Variants in RGS3 observed in about 807,000 individuals in gnomAD.
RGS3 encodes the protein regulator of G-protein signalling 3.
Under a neutral mutation model 132.6 loss-of-function variants are expected in RGS3, and 80 were observed. The observed-to-expected ratio is 0.60, with a 90% CI of 0.50 to 0.73. The LOEUF is 0.73. RGS3 is among the 30% of genes least tolerant of loss of function. The pLI, the probability that RGS3 is intolerant of heterozygous loss-of-function variation, is 0.00. For missense variants in RGS3, 1,382 were observed against 1,530.8 expected, an observed-to-expected ratio of 0.90 and a Z score of 1.62; for synonymous variants, 598 against 620.6, an observed-to-expected ratio of 0.96 and a Z score of 0.54.
chr9:113,584,383 G>A, exon 20 of RGS3: 1 of 1,545,010 alleles, frequency 6.5e-7, no homozygotes, highest in South Asian at 1.2e-5. Flanking sequence ...CCGCAATGGT[G>A]GCTCCATGCA....
intron 16 of RGS3, among the ~76,000 whole-genome samples, chr9:113,520,805 A>T (rs1429185617): frequency 6.6e-6 from 1 of 151,402 alleles, no homozygotes; most frequent in African/African-American, 2.4e-5. Context: ...TCTTCACCTC[A>T]TCTCTTAACA....
At chr9:113,495,461 C>T (rs544399456) in intron 7 of RGS3, among the ~76,000 whole-genome samples, 96 of 152,246 alleles carry the variant, frequency 6.3e-4, no homozygotes, top group Middle Eastern at 6.8e-3. Flanking sequence ...CTGTGGGGAC[C>T]AGCTCTTCAG....
chr9:113,587,638 A>G (rs1174191335), intron 20 of RGS3, among the ~76,000 whole-genome samples: 1 of 152,200 alleles, frequency 6.6e-6, no homozygotes, highest in Non-Finnish European at 1.5e-5. Flanking sequence ...CCACAGGGTG[A>G]CATTCAGTCT....
chr9:113,456,101 A>C (rs1829356819), upstream of RGS3, among the ~76,000 whole-genome samples: 1 of 152,134 alleles, frequency 6.6e-6, no homozygotes, highest in Non-Finnish European at 1.5e-5. Context: ...TTTCCTTCTT[A>C]ATACATCCCC....
intron 4 of RGS3, among the ~76,000 whole-genome samples, chr9:113,479,925 C>A (rs1379028960): frequency 6.6e-6 from 1 of 152,152 alleles, no homozygotes; most frequent in Non-Finnish European, 1.5e-5. Flanking sequence ...CATTGGTTGA[C>A]AGGCAGCATA....
intron 3 of RGS3, among the ~76,000 whole-genome samples, chr9:113,470,997 C>G (rs1829812222): frequency 6.6e-6 from 1 of 151,992 alleles, no homozygotes. Context: ...ACAGTATAGG[C>G]AGAGAGTTGT....
At position 113,590,557 on chromosome 9, in the gene RGS3, TATCC is replaced by T. The variant is rs746005388; in HGVS notation, c.3016-733_3016-730del. 7.2e-3 allele frequency among the ~76,000 whole-genome samples: 1,073 copies of T among 148,588 alleles called. 3 individuals are homozygous for T. The highest frequency in any genetic ancestry group is 0.015 in the South Asian group (69 of 4,550). On this transcript the variant is annotated intron_variant, in intron 20 of 24. Coordinates refer to ENST00000350696, the Ensembl canonical transcript of RGS3. Reference sequence around the variant, plus strand: ...TCATCTATCCATCCACCTATCCACATATCCATCCATCCATCCATCCATCCATCCA... The same window carrying T: ...TCATCTATCCATCCACCTATCCACATATCCATCCATCCATCCATCCATCCA...
chr9:113,541,274 G>A, intron 19 of RGS3: 1 of 1,594,928 alleles, frequency 6.3e-7, no homozygotes, highest in Non-Finnish European at 8.6e-7. Context: ...AGGCAGCCCG[G>A]CCTGAGTAGA....
chr9:113,486,067 A>C (rs1371861926), intron 7 of RGS3, among the ~76,000 whole-genome samples: 1 of 152,198 alleles, frequency 6.6e-6, no homozygotes, highest in Non-Finnish European at 1.5e-5. Flanking sequence ...GACTCTAAGC[A>C]CCTTGAAAAA....
chr9:113,488,540 C>T (rs1182776004), intron 7 of RGS3, among the ~76,000 whole-genome samples: 8 of 152,172 alleles, frequency 5.3e-5, no homozygotes, highest in Non-Finnish European at 1.2e-4. Context: ...ATATGGACGC[C>T]CAGAAAGCCC....
chr9:113,565,365 GTGTT>G lies in RGS3; in HGVS notation c.2038-18082_2038-18079del, dbSNP rs1388328355. 1 of 1,290,142 alleles carries G rather than the reference GTGTT, an allele frequency of 7.8e-7. No individual in the cohort carries two copies. 79.9% of individuals were successfully genotyped at this position (1,290,142 alleles called of 1,614,324 possible). A position where few individuals can be genotyped will look rare whatever the true frequency, so the allele number is the denominator to read the frequency against. ...GGCGGTGGCCGGCTAGACAGGGTGT[GTGTT>G]TGGGAAAGGCGCTGGAGGAGGAGGA... On this transcript the variant is annotated intron_variant, in intron 19 of 24. Coordinates refer to ENST00000350696, the Ensembl canonical transcript of RGS3. The surrounding 1 kb of genome is among the most constrained non-coding windows in gnomAD (Gnocchi z 5.7).
chr9:113,512,914 A>AGGCTG (rs537929450), intron 14 of RGS3, among the ~76,000 whole-genome samples: 106 of 152,338 alleles, frequency 7.0e-4, no homozygotes, highest in African/African-American at 2.4e-3. Flanking sequence ...ACCTGTGCAC[A>AGGCTG]GGCTGGGCAT....
At chr9:113,451,110 G>A (rs1201354012) in intron 1 of RGS3, among the ~76,000 whole-genome samples, 5 of 150,132 alleles carry the variant, frequency 3.3e-5, no homozygotes, top group Non-Finnish European at 5.9e-5. Context: ...CCTGGGAGGC[G>A]GAGCTTGCAG....
intron 19 of RGS3, among the ~76,000 whole-genome samples, chr9:113,568,796 A>G (rs974914699): frequency 4.6e-5 from 7 of 152,252 alleles, no homozygotes; most frequent in African/African-American, 1.7e-4. Flanking sequence ...AGCCACTCAC[A>G]GCAGACCAGC....
At chr9:113,494,199 A>T (rs1830612096) in intron 7 of RGS3, among the ~76,000 whole-genome samples, 2 of 152,174 alleles carry the variant, frequency 1.3e-5, no homozygotes, top group African/African-American at 4.8e-5. Context: ...CCTTAAAAGT[A>T]TATTGATACT....
intron 18 of RGS3, among the ~76,000 whole-genome samples, chr9:113,534,610 ATT>A (rs58115176): frequency 0.12 from 15,141 of 128,802 alleles, 815 homozygotes; most frequent in African/African-American, 0.17. Context: ...GTACAGATGA[ATT>A]TTTTTTTTTT....
chr9:113,504,267 C>A (rs1385375627), intron 10 of RGS3, among the ~76,000 whole-genome samples: 1 of 152,220 alleles, frequency 6.6e-6, no homozygotes. Flanking sequence ...GCTTGCTGAG[C>A]TGGCCTTTGT....
chr9:113,464,795 G>A (rs1829574447), intron 3 of RGS3, among the ~76,000 whole-genome samples: 1 of 152,172 alleles, frequency 6.6e-6, no homozygotes, highest in Non-Finnish European at 1.5e-5. Context: ...AAACATTACT[G>A]GACATTGCCC....
At chr9:113,518,055 C>T (rs573222026) in intron 16 of RGS3, among the ~76,000 whole-genome samples, 6 of 152,316 alleles carry the variant, frequency 3.9e-5, no homozygotes, top group Admixed American at 3.3e-4. Flanking sequence ...TTCTGAGAGA[C>T]GAGTCTATGA....
Sources: allele counts gnomAD v4.1 joint callset (sites outside exome capture counted in the v4.1 genomes callset), GRCh38; gene constraint gnomAD v4.1.1; non-coding constraint Gnocchi (gnomAD v3.1); transcripts MANE v1.5; gene names NCBI Gene and HGNC (gene_info 2026-07-23, HGNC 2026-07-21).